Variants in MYO5A observed in about 807,000 individuals in gnomAD.
MYO5A encodes myosin VA, also known as unconventional myosin-Va.
Under a neutral mutation model 249.7 loss-of-function variants are expected in MYO5A, and 98 were observed. That is an observed-to-expected ratio of 0.39 (90% CI 0.33 to 0.46). MYO5A has a LOEUF of 0.46. Ranked by LOEUF, MYO5A falls within the 20% of genes least tolerant of loss-of-function variation. MYO5A has a pLI of 0.98. For missense variants in MYO5A, 1,696 were observed against 2,308.8 expected, an observed-to-expected ratio of 0.73 and a Z score of 5.44; for synonymous variants, 778 against 810.6, an observed-to-expected ratio of 0.96 and a Z score of 0.68.
At chr15:52,524,277 G>C (rs897272225) in intron 1 of MYO5A, among the ~76,000 whole-genome samples, 1 of 152,188 alleles carries the variant, frequency 6.6e-6, no homozygotes, top group Non-Finnish European at 1.5e-5. Flanking sequence ...AAATAAGCCA[G>C]GCATGGTGGC....
chr15:52,337,590 A>G (rs1410588621), intron 33 of MYO5A, among the ~76,000 whole-genome samples: 1 of 152,234 alleles, frequency 6.6e-6, no homozygotes, highest in African/African-American at 2.4e-5. Flanking sequence ...CTTCCATCAC[A>G]CTGTAAGCCT....
At chr15:52,514,341 C>CT (rs1417507144) in intron 1 of MYO5A, among the ~76,000 whole-genome samples, 2 of 152,134 alleles carry the variant, frequency 1.3e-5, no homozygotes, top group Non-Finnish European at 2.9e-5. Context: ...TTTTCCCTGT[C>CT]TTTAAGGGGT....
At position 52,340,870 on chromosome 15, in the gene MYO5A, C is replaced by T. The variant is rs145796127; in HGVS notation, c.4041-476G>A. On this transcript the variant is annotated intron_variant, in intron 31 of 41. Transcript: ENST00000399233. ...GGCTGAGGCAGGAGAACTGGTTGAA[C>T]CCAGGAGGCAAAGGTTGCAGTGAGC... Among the ~76,000 whole-genome samples the T allele has an allele frequency of 4.3e-4, 65 of 151,944 alleles. 1 individual carries two copies. The East Asian group carries it at 6.8e-3, about 16-fold the overall frequency.
chr15:52,471,386 T>C (rs959198166), intron 1 of MYO5A, among the ~76,000 whole-genome samples: 8 of 152,120 alleles, frequency 5.3e-5, no homozygotes, highest in African/African-American at 1.7e-4. Flanking sequence ...GGAGGATCGC[T>C]TGAGCCCAGG....
At position 52,337,842 on chromosome 15, in the gene MYO5A, A is replaced by AT. The variant is rs1356333970; in HGVS notation, c.4281dup (p.Ser1428IlefsTer12). On this transcript the variant is annotated frameshift_variant, in exon 33 of 42. Transcript: ENST00000399233. LOFTEE classifies it high-confidence loss of function. ...CGTTTGTAAAGGGAAATCCGATATG[A>AT]TTGATACTTCTTAGGGTCATCTGCA... 6.5e-7 allele frequency: 1 copy of AT among 1,545,308 alleles called. No homozygotes were observed. Among genetic ancestry groups the AT allele is most frequent in the East Asian group, 2.4e-5 (1 of 40,898 alleles).
intron 1 of MYO5A, among the ~76,000 whole-genome samples, chr15:52,452,127 CT>C (rs1435430674): frequency 6.6e-6 from 1 of 152,096 alleles, no homozygotes; most frequent in African/African-American, 2.4e-5. Context: ...TCACCACCCC[CT>C]CCCCCCACTG....
At chr15:52,433,412 AC>A (rs2075585615) in intron 1 of MYO5A, 127 bp from the exon 2 acceptor site, 10 of 362,172 alleles carry the variant, frequency 2.8e-5, no homozygotes, top group East Asian at 5.4e-5. Context: ...CATGAAATTC[AC>A]TTTTTTTTTT....
In MYO5A at chr15:52,347,336, A is replaced by C. The variant is rs571243783; in HGVS notation, c.3859-875T>G. 8.5e-5 allele frequency among the ~76,000 whole-genome samples: 13 copies of C among 152,288 alleles called. No individual in the cohort carries two copies. The South Asian group carries it at 1.0e-3, about 12-fold the overall frequency. ...TTCAGTACATGTATCCCAAAACTTA[A>C]AGCAAAAAAAGAAACCCTGCTGTGT... On this transcript the variant is annotated intron_variant, in intron 29 of 41. Coordinates refer to ENST00000399233, the MANE Select transcript of MYO5A (RefSeq NM_001382347.1).
intron 1 of MYO5A, among the ~76,000 whole-genome samples, chr15:52,511,978 A>C (rs2077398443): frequency 6.6e-6 from 1 of 152,002 alleles, no homozygotes; most frequent in African/African-American, 2.4e-5. Context: ...CCTGGCTAAC[A>C]CGGTGAAACC....
chr15:52,407,475 AGAG>A, intron 7 of MYO5A, 76 bp from the exon 8 acceptor site: 2 of 996,470 alleles, frequency 2.0e-6, no homozygotes, highest in Non-Finnish European at 3.2e-6. Flanking sequence ...ACTCTGAATC[AGAG>A]GTGGTGATAG....
At chr15:52,528,951 G>A, upstream of MYO5A, 1 of 500,114 alleles carries the variant, frequency 2.0e-6, no homozygotes, top group Non-Finnish European at 2.7e-6. Flanking sequence ...GCGCGGGGCG[G>A]GGCGGGGCGG....
At chr15:52,520,818 A>G (rs974222262) in intron 1 of MYO5A, among the ~76,000 whole-genome samples, 1 of 152,238 alleles carries the variant, frequency 6.6e-6, no homozygotes, top group Non-Finnish European at 1.5e-5. Context: ...TAAAATGTAA[A>G]TGTTTAAAGT....
chr15:52,360,750 T>C (rs28503750), intron 24 of MYO5A, among the ~76,000 whole-genome samples: 14,792 of 152,058 alleles, frequency 0.097, 2,241 homozygotes, highest in African/African-American at 0.33. Flanking sequence ...GTTGAGAAAG[T>C]TCAAGAGGAA....
intron 1 of MYO5A, among the ~76,000 whole-genome samples, chr15:52,478,156 T>A (rs1298923686): frequency 6.6e-6 from 1 of 152,172 alleles, no homozygotes; most frequent in Non-Finnish European, 1.5e-5. Context: ...CAGTTCAATC[T>A]CAGACTGCTG....
intron 1 of MYO5A, among the ~76,000 whole-genome samples, chr15:52,510,513 G>A (rs1426518900): frequency 6.6e-6 from 1 of 152,172 alleles, no homozygotes; most frequent in Non-Finnish European, 1.5e-5. Flanking sequence ...TTAGGAACCG[G>A]GCCTCACAGC....
chr15:52,320,336 A>G (rs2038239210), intron 38 of MYO5A, among the ~76,000 whole-genome samples: 1 of 152,166 alleles, frequency 6.6e-6, no homozygotes, highest in South Asian at 2.1e-4. Context: ...ATTCCCTAGA[A>G]CCGGCATGTT....
chr15:52,489,420 C>A (rs994270153), intron 1 of MYO5A, among the ~76,000 whole-genome samples: 1 of 151,928 alleles, frequency 6.6e-6, no homozygotes, highest in African/African-American at 2.4e-5. Context: ...AAAAATTAGC[C>A]GGGCGTGGTG....
chr15:52,415,377 T>C (rs530726788), intron 5 of MYO5A, among the ~76,000 whole-genome samples: 224 of 152,338 alleles, frequency 1.5e-3, no homozygotes, highest in African/African-American at 5.2e-3. Flanking sequence ...AATAGACAGA[T>C]AATTATCTAC....
At chr15:52,351,099 T>C (rs2039925927) in intron 28 of MYO5A, among the ~76,000 whole-genome samples, 155 bp downstream of exon 28, 1 of 152,230 alleles carries the variant, frequency 6.6e-6, no homozygotes, top group Non-Finnish European at 1.5e-5. Context: ...ACAATAGTTT[T>C]AAACAACACT....
Sources: gnomAD v4.1 joint callset for allele counts (sites outside exome capture counted in the v4.1 genomes callset) on GRCh38, gnomAD v4.1.1 for gene constraint, MANE v1.5 for transcripts, NCBI Gene and HGNC (gene_info 2026-07-23, HGNC 2026-07-21) for gene names.